Variants in TSPAN10 observed in about 807,000 individuals in gnomAD.
TSPAN10 encodes tetraspanin 10.
Under a neutral mutation model 15.0 loss-of-function variants are expected in TSPAN10, and 11 were observed. The ratio of observed to expected loss-of-function variants is 0.73; its 90% CI spans 0.46 to 1.21. The LOEUF (loss-of-function observed/expected upper bound fraction) is 1.21. Among genes scored for constraint, TSPAN10 ranks in the 50% most tolerant of loss-of-function variants. TSPAN10 has a pLI of 0.00. For synonymous variants in TSPAN10, 241 were observed against 226.2 expected, an observed-to-expected ratio of 1.07 and a Z score of -0.59; for missense variants, 486 against 470.6, an observed-to-expected ratio of 1.03 and a Z score of -0.30.
chr17:81,648,406 G>T, downstream of TSPAN10: 1 of 1,036,702 alleles, frequency 9.6e-7, no homozygotes, highest in South Asian at 4.8e-5. Flanking sequence ...CTCGGGCTTC[G>T]GGTGACTTCG....
At chr17:81,638,794 T>A (rs1383941567), upstream of TSPAN10, 1 of 151,960 alleles carries the variant, frequency 6.6e-6, no homozygotes, top group Non-Finnish European at 1.5e-5. Context: ...GAGTGCAGAG[T>A]CTGCAAAATA....
upstream of TSPAN10, chr17:81,637,685 G>A (rs1351604333): frequency 2.1e-5 from 6 of 279,658 alleles, no homozygotes; most frequent in Admixed American, 1.5e-4. Flanking sequence ...TGTAATCCCA[G>A]CACTTTGGGA....
At chr17:81,637,347 TGCGTATTATA>T (rs1727331256) in exon 1 of TSPAN10, 1 of 684,490 alleles carries the variant, frequency 1.5e-6, no homozygotes, top group Non-Finnish European at 2.7e-6. Flanking sequence ...TAACTACTGC[TGCGTATTATA>T]GCGTATTATA....
intron 2 of TSPAN10, 96 bp from the exon 4 acceptor site, chr17:81,647,805 G>A (rs1482258045): frequency 2.9e-6 from 4 of 1,366,196 alleles, no homozygotes; most frequent in South Asian, 1.2e-5. Flanking sequence ...TGTGGCCATG[G>A]AAGGGTGAAG....
At chr17:81,648,111 C>G (rs368482096) in exon 3 of TSPAN10, 5 of 1,566,628 alleles carry the variant, frequency 3.2e-6, no homozygotes, top group African/African-American at 1.4e-5. Flanking sequence ...CTGCCTCGGG[C>G]GGCTACGCAA....
At chr17:81,641,412 G>C (rs1333778551), upstream of TSPAN10, among the ~76,000 whole-genome samples, 1 of 152,020 alleles carries the variant, frequency 6.6e-6, no homozygotes, top group African/African-American at 2.4e-5. Context: ...GGCCTTCAAG[G>C]CCTCACCTGA....
chr17:81,639,945 G>T (rs71373097), upstream of TSPAN10, among the ~76,000 whole-genome samples: 6 of 150,920 alleles, frequency 4.0e-5, no homozygotes, highest in African/African-American at 1.2e-4. Context: ...ACGCCACTGC[G>T]CTCCAGCCTG....
chr17:81,648,008 G>A, exon 3 of TSPAN10: 4 of 1,609,818 alleles, frequency 2.5e-6, no homozygotes, highest in Non-Finnish European at 3.4e-6. Flanking sequence ...TGCGGCTTCG[G>A]GGTCCTGCGC....
At chr17:81,647,752 G>A in intron 2 of TSPAN10, 149 bp from the exon 4 acceptor site, 1 of 766,260 alleles carries the variant, frequency 1.3e-6, no homozygotes, top group East Asian at 2.7e-5. Context: ...GTGTGCAGGT[G>A]TGTGCGAATA....
chr17:81,646,253 A>C (rs1391613976), intron 2 of TSPAN10: 2 of 154,506 alleles, frequency 1.3e-5, no homozygotes, highest in Non-Finnish European at 2.9e-5. Flanking sequence ...TTAGCCAGGC[A>C]TGGTGGCAGG....
exon 1 of TSPAN10, chr17:81,642,429 G>A: frequency 1.4e-5 from 23 of 1,612,944 alleles, no homozygotes; most frequent in Non-Finnish European, 2.0e-5. Context: ...GAGGGGGAGA[G>A]GAGCCCCTTA....
chr17:81,645,617 G>T, exon 2 of TSPAN10: 1 of 1,612,448 alleles, frequency 6.2e-7, no homozygotes, highest in Non-Finnish European at 8.5e-7. Flanking sequence ...TACCAGGACT[G>T]GCAGCAGAAC....
upstream of TSPAN10, among the ~76,000 whole-genome samples, chr17:81,642,135 C>T (rs61591073): frequency 0.045 from 6,881 of 152,220 alleles, 269 homozygotes; most frequent in East Asian, 0.21. Flanking sequence ...GTCACACCTG[C>T]GCTGAGCTTA....
chr17:81,646,537 G>A (rs1598712028), intron 2 of TSPAN10: 1 of 151,242 alleles, frequency 6.6e-6, no homozygotes, highest in East Asian at 2.0e-4. Context: ...AAAATTAGCT[G>A]GGTGTGGTGG....
intron 2 of TSPAN10, chr17:81,647,632 C>A: frequency 1.5e-6 from 1 of 657,934 alleles, no homozygotes; most frequent in South Asian, 1.6e-5. Flanking sequence ...TCAACCGTCT[C>A]ACTAAATATC....
At position 81,646,908 on chromosome 17, in the gene TSPAN10, G is replaced by T. The variant is rs9902497; in HGVS notation, c.675-993G>T. Among the ~76,000 whole-genome samples, 215 of 151,606 alleles carry T rather than the reference G, an allele frequency of 1.4e-3. 1 individual carries two copies. The highest frequency in any genetic ancestry group is 4.7e-3 in the African/African-American group (196 of 41,386). On this transcript the variant is annotated intron_variant, in intron 2 of 2. Transcript: ENST00000611590. ...CGCCCAGGCTGGAGTGCAGTGGCTC[G>T]ATCTCGGCTCACTGTAAAGAGGGTA...
intron 1 of TSPAN10, among the ~76,000 whole-genome samples, chr17:81,643,765 T>C (rs1222002661): frequency 6.6e-6 from 1 of 152,082 alleles, no homozygotes; most frequent in African/African-American, 2.4e-5. Flanking sequence ...TTCTTCCTGG[T>C]GAAACTGGAT....
chr17:81,648,275 C>A, exon 3 of TSPAN10: 1 of 1,213,156 alleles, frequency 8.2e-7, no homozygotes, highest in Non-Finnish European at 1.0e-6. Flanking sequence ...CCGCCCGCTG[C>A]CAAGCCCGCC....
At chr17:81,645,159 C>T (rs745536979) in exon 2 of TSPAN10, 11 of 1,562,354 alleles carry the variant, frequency 7.0e-6, no homozygotes, top group African/African-American at 2.8e-5. Flanking sequence ...CAGCCCCTTC[C>T]CTCTCCCCAG....
Sources: allele counts gnomAD v4.1 joint callset (sites outside exome capture counted in the v4.1 genomes callset), GRCh38; gene constraint gnomAD v4.1.1; transcripts MANE v1.5; gene names NCBI Gene and HGNC (gene_info 2026-07-23, HGNC 2026-07-21).